The following AFG2A variants were observed in gnomAD, a reference collection of about 807,000 sequenced individuals.
AFG2A encodes AAA ATPase AFG2A.
the AFG2A span, among the ~76,000 whole-genome samples, chr4:122,925,135 G>T: frequency 6.6e-6 from 1 of 151,914 alleles, no homozygotes; most frequent in East Asian, 1.9e-4. Flanking sequence ...AGTCATCCAT[G>T]ACTCTCCCCC....
chr4:122,978,966 G>A, the AFG2A span, among the ~76,000 whole-genome samples: 1 of 152,198 alleles, frequency 6.6e-6, no homozygotes, highest in Admixed American at 6.5e-5. Flanking sequence ...GAGAGTGGAG[G>A]GATACCTGGG....
the AFG2A span, among the ~76,000 whole-genome samples, chr4:123,053,039 G>A: frequency 6.6e-6 from 1 of 152,162 alleles, no homozygotes; most frequent in African/African-American, 2.4e-5. Context: ...TCTTCCACCT[G>A]CTTTTTCTAG....
the AFG2A span, among the ~76,000 whole-genome samples, chr4:123,294,672 A>G: frequency 2.0e-5 from 3 of 152,188 alleles, no homozygotes. Flanking sequence ...CAGTTTTCAA[A>G]TCAAGATGAC....
the AFG2A span, among the ~76,000 whole-genome samples, chr4:123,100,550 C>G: frequency 6.6e-6 from 1 of 151,828 alleles, no homozygotes; most frequent in African/African-American, 2.4e-5. Flanking sequence ...CATCCACCAA[C>G]AAATATATAT....
At chr4:123,114,244 CCCA>C in the AFG2A span, among the ~76,000 whole-genome samples, 1 of 152,126 alleles carries the variant, frequency 6.6e-6, no homozygotes, top group Non-Finnish European at 1.5e-5. Flanking sequence ...ACCACAAGTC[CCCA>C]CTCTGGTCCG....
At chr4:123,118,316 A>ATATATTGTATATAAT in the AFG2A span, among the ~76,000 whole-genome samples, 1 of 129,336 alleles carries the variant, frequency 7.7e-6, no homozygotes, top group Non-Finnish European at 1.6e-5. Flanking sequence ...TATATATAAT[A>ATATATTGTATATAAT]TATATTATAT....
the AFG2A span, among the ~76,000 whole-genome samples, chr4:123,299,352 A>G: frequency 1.3e-5 from 2 of 152,210 alleles, no homozygotes; most frequent in African/African-American, 2.4e-5. Context: ...AGTTGCCAGC[A>G]TGCTAAAATG....
At chr4:122,980,526 G>A in the AFG2A span, among the ~76,000 whole-genome samples, 1 of 152,084 alleles carries the variant, frequency 6.6e-6, no homozygotes, top group Non-Finnish European at 1.5e-5. Context: ...CCCAGTAGTA[G>A]GATTGCTGAA....
At chr4:123,154,099 A>C in the AFG2A span, among the ~76,000 whole-genome samples, 1 of 152,170 alleles carries the variant, frequency 6.6e-6, no homozygotes, top group African/African-American at 2.4e-5. Flanking sequence ...GAGAAATGAT[A>C]CCAAGTTCTT....
chr4:123,020,630 G>A, the AFG2A span, among the ~76,000 whole-genome samples: 3 of 152,080 alleles, frequency 2.0e-5, no homozygotes, highest in South Asian at 4.2e-4. Context: ...GGATTATAAT[G>A]TATTAAAATC....
the AFG2A span, among the ~76,000 whole-genome samples, chr4:123,032,617 T>C: frequency 4.8e-3 from 730 of 152,360 alleles, 5 homozygotes; most frequent in African/African-American, 0.016. Context: ...GGTTTCACCA[T>C]GTAGGCCAGG....
At chr4:123,259,064 A>G in the AFG2A span, among the ~76,000 whole-genome samples, 1 of 151,934 alleles carries the variant, frequency 6.6e-6, no homozygotes, top group African/African-American at 2.4e-5. Flanking sequence ...ACAGGGTTTC[A>G]CCACATTGGC....
the AFG2A span, among the ~76,000 whole-genome samples, chr4:123,252,957 A>G: frequency 2.0e-5 from 3 of 152,068 alleles, no homozygotes; most frequent in South Asian, 2.1e-4. Context: ...TTTCCTTTCT[A>G]TTGTTGAGTA....
the AFG2A span, chr4:122,923,088 A>G: frequency 3.7e-6 from 6 of 1,606,436 alleles, no homozygotes; most frequent in African/African-American, 6.7e-5. Flanking sequence ...CTCTCAGTTG[A>G]AGCGCGCACA....
At chr4:123,031,444 C>T in the AFG2A span, among the ~76,000 whole-genome samples, 1 of 152,214 alleles carries the variant, frequency 6.6e-6, no homozygotes, top group Non-Finnish European at 1.5e-5. Context: ...TGAGTCACTG[C>T]ACCTGGTCCT....
chr4:123,105,689 G>T, the AFG2A span, among the ~76,000 whole-genome samples: 1 of 152,178 alleles, frequency 6.6e-6, no homozygotes, highest in African/African-American at 2.4e-5. Context: ...CAAGACATCA[G>T]TGGAGGAAGT....
chr4:123,096,220 G>A, the AFG2A span, among the ~76,000 whole-genome samples: 2 of 147,944 alleles, frequency 1.4e-5, no homozygotes, highest in Non-Finnish European at 2.9e-5. Flanking sequence ...TTGAAGTTGA[G>A]TCCTCTAGTG....
chr4:123,002,373 T>G, the AFG2A span, among the ~76,000 whole-genome samples: 1 of 152,200 alleles, frequency 6.6e-6, no homozygotes, highest in Admixed American at 6.5e-5. Context: ...ATTTTGCTCA[T>G]TAGTTGATGC....
At chr4:123,204,209 G>A in the AFG2A span, among the ~76,000 whole-genome samples, 1 of 152,124 alleles carries the variant, frequency 6.6e-6, no homozygotes. Context: ...ATATTTTCAG[G>A]TTCCAGGGGT....
Sources: gnomAD v4.1 joint callset for allele counts (sites outside exome capture counted in the v4.1 genomes callset) on GRCh38, gnomAD v4.1.1 for gene constraint, MANE v1.5 for transcripts, NCBI Gene and HGNC (gene_info 2026-07-23, HGNC 2026-07-21) for gene names.